Variants in GPC6 observed in about 807,000 individuals in gnomAD.
The protein encoded by GPC6 is glypican 6, also known as glypican-6.
A neutral mutation model predicts 55.2 loss-of-function variants in GPC6; 14 were observed. The ratio of observed to expected loss-of-function variants is 0.25; its 90% CI spans 0.17 to 0.40. The LOEUF is 0.40. Among genes scored for constraint, GPC6 ranks in the 10% least tolerant of loss-of-function variants. The pLI is 1.00. For missense variants in GPC6, 641 were observed against 708.5 expected (o/e 0.90, Z 1.08); for synonymous variants, 278 against 259.6 (o/e 1.07, Z -0.68).
chr13:94,271,378 GCGCGCACACACACA>G (rs1892014877), intron 4 of GPC6, among the ~76,000 whole-genome samples: 4 of 112,744 alleles, frequency 3.5e-5, no homozygotes, highest in Non-Finnish European at 8.1e-5. Flanking sequence ...GCGCGCGCGC[GCGCGCACACACACA>G]CACACACACA....
At chr13:93,768,897 A>G (rs1056162356) in intron 2 of GPC6, among the ~76,000 whole-genome samples, 5 of 152,126 alleles carry the variant, frequency 3.3e-5, no homozygotes, top group Non-Finnish European at 7.4e-5. Context: ...ATGCCCTTTT[A>G]CTAGATCCCA....
intron 1 of GPC6, among the ~76,000 whole-genome samples, chr13:93,318,762 G>T (rs1477821024): frequency 6.6e-6 from 1 of 152,088 alleles, no homozygotes; most frequent in Non-Finnish European, 1.5e-5. Context: ...GAGGAAGTGC[G>T]GAAGCCAGTT....
intron 2 of GPC6, among the ~76,000 whole-genome samples, chr13:93,688,530 A>G (rs1882134612): frequency 6.6e-6 from 1 of 152,102 alleles, no homozygotes; most frequent in Non-Finnish European, 1.5e-5. Context: ...AGTTCCCATC[A>G]ACAGGTGAAT....
chr13:93,569,069 A>G (rs1464404675), intron 2 of GPC6, among the ~76,000 whole-genome samples: 1 of 152,142 alleles, frequency 6.6e-6, no homozygotes, highest in African/African-American at 2.4e-5. Flanking sequence ...CTAACACAAG[A>G]CTTTTTTCAA....
chr13:94,206,256 G>A (rs1290122648), intron 4 of GPC6, among the ~76,000 whole-genome samples: 3 of 152,158 alleles, frequency 2.0e-5, no homozygotes, highest in Admixed American at 6.5e-5. Context: ...AAGTGAATGA[G>A]AATATTCTAT....
At chr13:93,807,363 G>T (rs1292778395) in intron 2 of GPC6, among the ~76,000 whole-genome samples, 1 of 152,206 alleles carries the variant, frequency 6.6e-6, no homozygotes, top group African/African-American at 2.4e-5. Context: ...TTAAAGATTT[G>T]TGGACAAATT....
chr13:94,365,287 A>G (rs1395628251), intron 6 of GPC6, among the ~76,000 whole-genome samples: 1 of 152,234 alleles, frequency 6.6e-6, no homozygotes, highest in Non-Finnish European at 1.5e-5. Flanking sequence ...AAGAGTTCAT[A>G]GACAGCCTTG....
chr13:94,316,020 C>CA (rs973365297), intron 6 of GPC6, among the ~76,000 whole-genome samples: 3 of 151,956 alleles, frequency 2.0e-5, no homozygotes, highest in Admixed American at 1.3e-4. Context: ...CCTCTTCTTC[C>CA]AAAAAACGGC....
intron 2 of GPC6, among the ~76,000 whole-genome samples, chr13:93,620,930 C>T (rs904171480): frequency 6.6e-6 from 1 of 152,136 alleles, no homozygotes; most frequent in Non-Finnish European, 1.5e-5. Flanking sequence ...CATTGGGCTG[C>T]ACTTTTTTGT....
intron 2 of GPC6, among the ~76,000 whole-genome samples, chr13:93,749,794 T>G (rs1190161241): frequency 6.6e-6 from 1 of 152,080 alleles, no homozygotes; most frequent in Non-Finnish European, 1.5e-5. Context: ...CAGCCTTACT[T>G]GTGACGAAAA....
At position 93,536,533 on chromosome 13, in the gene GPC6, CATGTTGTAGT is replaced by C. The variant is rs552042586; in HGVS notation, c.161-8725_161-8716del. On this transcript the variant is annotated intron_variant, in intron 1 of 8. Coordinates refer to ENST00000377047, the MANE Select transcript of GPC6 (RefSeq NM_005708.5). ...GGCTTATTTTGCTTAACATAATGTC[CATGTTGTAGT>C]ATGTGTTAGCACTGCATTGCTTTTT... 8.0e-4 allele frequency among the ~76,000 whole-genome samples: 122 copies of C among 152,142 alleles called. 1 individual carries two copies. The highest frequency in any genetic ancestry group is 2.6e-3 in the African/African-American group (108 of 41,488).
At chr13:93,314,998 G>C (rs1879199975) in intron 1 of GPC6, among the ~76,000 whole-genome samples, 1 of 152,068 alleles carries the variant, frequency 6.6e-6, no homozygotes, top group African/African-American at 2.4e-5. Flanking sequence ...CAGTTTGAAA[G>C]TATTCAAGTT....
In GPC6 at chr13:94,269,580, A is replaced by C. The variant is rs572496924; in HGVS notation, c.878-16769A>C. Among the ~76,000 whole-genome samples the C allele has an allele frequency of 3.5e-4, 54 of 152,270 alleles. 1 individual carries two copies. The highest frequency in any genetic ancestry group is 6.8e-3 in the Middle Eastern group (2 of 294). On this transcript the variant is annotated intron_variant, in intron 4 of 8. Coordinates refer to ENST00000377047, the MANE Select transcript of GPC6 (RefSeq NM_005708.5). ...ACCCCGGTGCACATTGTCCCAACCC[A>C]CACAGCTTGTGTTTGCTTCCGTGGG...
At chr13:94,080,615 A>G (rs1289135348) in intron 4 of GPC6, among the ~76,000 whole-genome samples, 1 of 152,124 alleles carries the variant, frequency 6.6e-6, no homozygotes, top group Non-Finnish European at 1.5e-5. Flanking sequence ...TATTTCTCAC[A>G]GTTCTGGAGG....
chr13:94,190,560 T>A (rs1465776301), intron 4 of GPC6, among the ~76,000 whole-genome samples: 1 of 152,148 alleles, frequency 6.6e-6, no homozygotes, highest in Non-Finnish European at 1.5e-5. Flanking sequence ...AGGATCCTAG[T>A]CTTCATCCTG....
At chr13:93,286,305 C>G (rs1237853371) in intron 1 of GPC6, among the ~76,000 whole-genome samples, 3 of 152,156 alleles carry the variant, frequency 2.0e-5, no homozygotes, top group Non-Finnish European at 4.4e-5. Context: ...TCAGTGATCT[C>G]CACCTGTTCG....
At chr13:93,947,248 T>C (rs1050948771) in intron 3 of GPC6, among the ~76,000 whole-genome samples, 4 of 151,526 alleles carry the variant, frequency 2.6e-5, no homozygotes, top group African/African-American at 7.3e-5. Context: ...TTTCAGAAGA[T>C]GTGTAAAGGC....
At chr13:94,013,533 G>A (rs1192263930) in intron 3 of GPC6, among the ~76,000 whole-genome samples, 1 of 152,000 alleles carries the variant, frequency 6.6e-6, no homozygotes, top group African/African-American at 2.4e-5. Context: ...TATTTGTAGT[G>A]GAGACGGGGT....
chr13:93,495,519 C>G (rs1382659867), intron 1 of GPC6, among the ~76,000 whole-genome samples: 1 of 137,094 alleles, frequency 7.3e-6, no homozygotes, highest in Non-Finnish European at 1.6e-5. Context: ...CTTCTTCTCT[C>G]AGCTCGTCAA....
Sources: gnomAD v4.1 joint callset for allele counts (sites outside exome capture counted in the v4.1 genomes callset) on GRCh38, gnomAD v4.1.1 for gene constraint, MANE v1.5 for transcripts, NCBI Gene and HGNC (gene_info 2026-07-23, HGNC 2026-07-21) for gene names.